Variants in PCDH1 observed in about 807,000 individuals in gnomAD.
PCDH1 encodes protocadherin-1.
PCDH1 carries 23 observed loss-of-function variants against 74.6 expected under a neutral mutation model. The ratio of observed to expected loss-of-function variants is 0.31; its 90% CI spans 0.22 to 0.44. The LOEUF is 0.44. Ranked by LOEUF, PCDH1 falls within the 20% of genes least tolerant of loss-of-function variation. The pLI is 1.00. For synonymous variants in PCDH1, 647 were observed against 686.1 expected, an observed-to-expected ratio of 0.94 and a Z score of 0.89; for missense variants, 1,214 against 1,641.4, an observed-to-expected ratio of 0.74 and a Z score of 4.50.
Position 141,863,472 on chromosome 5 carries a change from G to T in PCDH1, c.2859C>A (p.His953Gln). Residue 953 changes from histidine (H) to glutamine (Q), a missense_variant, in exon 3 of 5, where the codon CAC becomes CAA. His to Gln is a conservative substitution (Grantham distance 24, BLOSUM62 0). Around this residue, in one of 4 missense-constraint regions of PCDH1, gnomAD observed 836 missense variants for 1,182.2 expected, o/e 0.71. Transcript: ENST00000287008. This position sits in a 1 kb window ranked among gnomAD's most constrained non-coding sequence, Gnocchi z 7.5. ...SDAPGDSPRI[H>Q]LPLNYPPGSP... The stretch of plus-strand genomic sequence containing the variant: ...TGCCTGGTGGGTAGTTGAGGGGCAG[G>T]TGGATGCGGGGACTGTCCCCAGGGG... 1 of 1,590,792 alleles carries T rather than the reference G, an allele frequency of 6.3e-7. No individual in the cohort carries two copies. Among genetic ancestry groups the T allele is most frequent in the Admixed American group, 1.7e-5 (1 of 58,272 alleles).
At position 141,865,080 on chromosome 5, in the gene PCDH1, C is replaced by T. The variant is rs1343742718; in HGVS notation, c.1251G>A (p.Val417=). 5 of 1,614,208 alleles carry T rather than the reference C, an allele frequency of 3.1e-6. No individual in the cohort carries two copies. The highest frequency in any genetic ancestry group is 3.3e-5 in the Admixed American group (2 of 60,024). Reference sequence around the variant, plus strand: ...CTCCCTCATCTCGGTCAGACACCTGCACCAGGGCCACAGCTGTCTCCTCTG... The same window carrying T: ...CTCCCTCATCTCGGTCAGACACCTGTACCAGGGCCACAGCTGTCTCCTCTG... The part of the protein sequence containing the change: ...DVAEETAVAL[V]QVSDRDEGEN... Residue 417 remains valine, a synonymous_variant, in exon 3 of 5, where the codon GTG becomes GTA. Transcript: ENST00000287008. This position sits in a 1 kb window ranked among gnomAD's most constrained non-coding sequence, Gnocchi z 4.4.
chr5:141,853,631 T>G lies in PCDH1; in HGVS notation c.*411A>C. The G allele has an allele frequency of 6.3e-6, 1 of 157,956 alleles. No individual in the cohort carries two copies. Among genetic ancestry groups the G allele is most frequent in the Non-Finnish European group, 1.4e-5 (1 of 71,876 alleles). 9.8% of individuals were successfully genotyped at this position (157,956 alleles called of 1,614,324 possible). A position where few individuals can be genotyped will look rare whatever the true frequency, so the allele number is the denominator to read the frequency against. On this transcript the variant is annotated 3_prime_UTR_variant, in exon 5 of 5. Coordinates refer to ENST00000287008, the MANE Select transcript of PCDH1 (RefSeq NM_032420.5). ...AAGGGGCTCCCCAGTTCAGCCCTGC[T>G]TCAGGGCTAAAATTGGGCATGCTAT... is the stretch of plus-strand genomic sequence containing the variant.
rs1394231881 is a variant in PCDH1 at position 141,869,006 on chromosome 5, T to C, written c.466A>G (p.Ile156Val). 8 of 1,614,022 alleles carry C rather than the reference T, an allele frequency of 5.0e-6. No individual in the cohort carries two copies. The highest frequency in any genetic ancestry group is 1.3e-5 in the African/African-American group (1 of 74,906). Reference protein sequence around the residue: ...NGSPRLLEGQIEVQDINDNTP... With the variant: ...NGSPRLLEGQVEVQDINDNTP... ...TTGTCATTGATGTCTTGTACTTCTA[T>C]CTGGCCCTCTAGCAGCCGGGGGCTG... The change falls in exon 2 of 5, where the codon ATA becomes GTA. Residue 156 changes from isoleucine (I) to valine (V), a missense_variant. By Grantham distance (29) the Ile-to-Val change is conservative. Coordinates refer to ENST00000287008, the MANE Select transcript of PCDH1 (RefSeq NM_032420.5). The surrounding 1 kb of genome is among the most constrained non-coding windows in gnomAD (Gnocchi z 4.9).
At chr5:141,866,560 C>T (rs1465802892) in intron 2 of PCDH1, among the ~76,000 whole-genome samples, 4 of 152,114 alleles carry the variant, frequency 2.6e-5, no homozygotes, top group Non-Finnish European at 4.4e-5. Context: ...ATAAGCATAA[C>T]TTGGCAGAGT....
intron 3 of PCDH1, among the ~76,000 whole-genome samples, chr5:141,861,233 C>T (rs1752552432): frequency 6.6e-6 from 1 of 151,792 alleles, no homozygotes; most frequent in African/African-American, 2.4e-5. Context: ...CACTCAATTG[C>T]CTCATCGTTC....
At chr5:141,870,358 A>T (rs1753061392) in intron 1 of PCDH1, among the ~76,000 whole-genome samples, 1 of 152,214 alleles carries the variant, frequency 6.6e-6, no homozygotes, top group Admixed American at 6.5e-5. Flanking sequence ...TGCCATGGGC[A>T]GGTGCGTACA....
Position 141,878,308 on chromosome 5 carries a change from G to T in PCDH1, c.-46C>A. 1 of 1,205,702 alleles carries T rather than the reference G, an allele frequency of 8.3e-7. No homozygotes were observed. Among genetic ancestry groups the T allele is most frequent in the Non-Finnish European group, 1.0e-6 (1 of 971,376 alleles). The allele number at this position is 1,205,702 out of a possible 1,614,324, so 74.7% of individuals were successfully genotyped here. ...CTGGGCTGCGGCTCCGCACGGCTGG[G>T]GCTGGAGCTGCAGTTCGGGCTCCGG... On this transcript the variant is annotated 5_prime_UTR_variant, in exon 1 of 5. Transcript: ENST00000287008. This position sits in a 1 kb window ranked among gnomAD's most constrained non-coding sequence, Gnocchi z 5.5.
rs760805786 is a variant in PCDH1 at position 141,854,275 on chromosome 5, G to A, written c.3481C>T (p.Arg1161Ter). ...KLSTFVPYQD[R>*]GGQEPAGAGS... ...GCGCCCGCAGGCTCCTGCCCTCCTC[G>A]GTCCTGGTAAGGCACGAAGGTGGAG... Residue 1161 changes from arginine (R) to a stop codon, truncating the protein, a stop_gained, in exon 5 of 5, where the codon CGA (arginine) becomes TGA (stop). Transcript: ENST00000287008. LOFTEE classifies it high-confidence loss of function. The A allele has an allele frequency of 6.2e-6, 10 of 1,613,582 alleles. No individual in the cohort carries two copies. The highest frequency in any genetic ancestry group is 8.5e-6 in the Non-Finnish European group (10 of 1,179,798).
At position 141,866,123 on chromosome 5, in the gene PCDH1, T is replaced by A. The variant is rs924341119; in HGVS notation, c.904-696A>T. 2.6e-5 allele frequency: 26 copies of A among 985,504 alleles called. No homozygotes were observed. The African/African-American group carries it at 4.5e-4, about 17-fold the overall frequency. The allele number at this position is 985,504 out of a possible 1,614,324, so 61.0% of individuals were successfully genotyped here. A position where few individuals can be genotyped will look rare whatever the true frequency, so the allele number is the denominator to read the frequency against. On this transcript the variant is annotated intron_variant, in intron 2 of 4. Coordinates refer to ENST00000287008, the MANE Select transcript of PCDH1 (RefSeq NM_032420.5). Reference sequence around the variant, plus strand: ...GGGATTTCTTTTGAAAGAAGTCAGGTAGGGTTGTGGGTCAGAGAAGCCCTC... The same window carrying A: ...GGGATTTCTTTTGAAAGAAGTCAGGAAGGGTTGTGGGTCAGAGAAGCCCTC...
intron 1 of PCDH1, among the ~76,000 whole-genome samples, chr5:141,870,578 CTTAT>C (rs1753068944): frequency 6.6e-6 from 1 of 152,118 alleles, no homozygotes; most frequent in South Asian, 2.1e-4. Flanking sequence ...ACATCTGGCT[CTTAT>C]TTGACATCCA....
Position 141,865,505 on chromosome 5 carries a change from G to T in PCDH1, c.904-78C>A. On this transcript the variant is annotated intron_variant, in intron 2 of 4. Transcript: ENST00000287008. This position sits in a 1 kb window ranked among gnomAD's most constrained non-coding sequence, Gnocchi z 4.4. ...TAGCAAATAAAGGGGCACACATGCT[G>T]CCAATGTCCTTTCCAACAAGCATGG... 1 of 1,463,750 alleles carries T rather than the reference G, an allele frequency of 6.8e-7. No homozygotes were observed. Among genetic ancestry groups the T allele is most frequent in the Non-Finnish European group, 9.3e-7 (1 of 1,079,996 alleles). The allele number at this position is 1,463,750 out of a possible 1,614,324, so 90.7% of individuals were successfully genotyped here.
intron 1 of PCDH1, among the ~76,000 whole-genome samples, chr5:141,877,708 T>C (rs969982105): frequency 6.6e-6 from 1 of 152,166 alleles, no homozygotes; most frequent in African/African-American, 2.4e-5. Flanking sequence ...TGTGCACATA[T>C]GCAGGGATGT....
chr5:141,866,164 C>G, intron 2 of PCDH1: 6 of 985,482 alleles, frequency 6.1e-6, no homozygotes, highest in Non-Finnish European at 7.2e-6. Flanking sequence ...CGGGCCCCAG[C>G]CACCGCTCTG....
rs982139193 is a variant in PCDH1 at position 141,856,167 on chromosome 5, G to T, written c.3319+1085C>A. On this transcript the variant is annotated intron_variant, in intron 4 of 4. Transcript: ENST00000287008. Reference sequence around the variant, plus strand: ...CAGAGCATGGGCACTGGGTGGGTGAGGCTGGGTGCTGGGCAGAGTCCCACA... The same window carrying T: ...CAGAGCATGGGCACTGGGTGGGTGATGCTGGGTGCTGGGCAGAGTCCCACA... The T allele has an allele frequency of 2.0e-6, 3 of 1,495,600 alleles. No homozygotes were observed. In the African/African-American group the frequency reaches 4.2e-5, roughly 21 times the overall value. 92.6% of individuals were successfully genotyped at this position (1,495,600 alleles called of 1,614,324 possible).
Position 141,854,002 on chromosome 5 carries a change from C to G in PCDH1, c.*40G>C. Reference sequence around the variant, plus strand: ...TGGAATGGGCCATTTGGGAGCTGGCCGGCGGCTGGGGGAGGGGGGCCGGCC... The same window carrying G: ...TGGAATGGGCCATTTGGGAGCTGGCGGGCGGCTGGGGGAGGGGGGCCGGCC... On this transcript the variant is annotated 3_prime_UTR_variant, in exon 5 of 5. Coordinates refer to ENST00000287008, the MANE Select transcript of PCDH1 (RefSeq NM_032420.5). The G allele has an allele frequency of 1.4e-6, 2 of 1,461,942 alleles. No homozygotes were observed. The highest frequency in any genetic ancestry group is 1.8e-6 in the Non-Finnish European group (2 of 1,103,128). The allele number at this position is 1,461,942 out of a possible 1,614,324, so 90.6% of individuals were successfully genotyped here.
chr5:141,863,646 G>A lies in PCDH1; in HGVS notation c.2685C>T (p.Asp895=). 1.2e-6 allele frequency: 2 copies of A among 1,614,196 alleles called. No individual in the cohort carries two copies. The highest frequency in any genetic ancestry group is 2.2e-5 in the East Asian group (1 of 44,884). The change falls in exon 3 of 5, where the codon GAC becomes GAT. Residue 895 remains aspartate (D), a synonymous_variant. Transcript: ENST00000287008. The surrounding 1 kb of genome is among the most constrained non-coding windows in gnomAD (Gnocchi z 7.5). ...TGCCACTGGGCTTGGGGGCATACAG[G>A]TCCTTGGTCTCCTTCTTACCAGCCT... The part of the protein sequence containing the change: ...GYQAGKKETK[D]LYAPKPSGKA...
intron 2 of PCDH1, chr5:141,867,758 C>T (rs922850817): frequency 1.1e-5 from 4 of 366,728 alleles, no homozygotes; most frequent in African/African-American, 8.6e-5. Context: ...AGAGAGGCAT[C>T]TTCAGCCCAT....
chr5:141,870,409 G>A (rs1286563816), intron 1 of PCDH1, among the ~76,000 whole-genome samples: 1 of 152,136 alleles, frequency 6.6e-6, no homozygotes, highest in Non-Finnish European at 1.5e-5. Context: ...CTGTGGTCAG[G>A]GCTGACTAGC....
At chr5:141,855,706 A>C (rs970510719) in intron 4 of PCDH1, among the ~76,000 whole-genome samples, 3 of 152,020 alleles carry the variant, frequency 2.0e-5, no homozygotes, top group Non-Finnish European at 4.4e-5. Flanking sequence ...GCACACACTC[A>C]CATCCACAAG....
Sources: gnomAD v4.1 joint callset for allele counts (sites outside exome capture counted in the v4.1 genomes callset) on GRCh38, gnomAD v4.1.1 for gene constraint, gnomAD v4.1.1 regional missense constraint, Gnocchi (gnomAD v3.1) non-coding constraint, MANE v1.5 for transcripts, NCBI Gene and HGNC (gene_info 2026-07-23, HGNC 2026-07-21) for gene names.